Variants in SEC63 observed in about 807,000 individuals in gnomAD.
SEC63 encodes translocation protein SEC63 homolog.
A neutral mutation model predicts 116.2 loss-of-function variants in SEC63; 56 were observed. That is an observed-to-expected ratio of 0.48 (90% confidence interval 0.39 to 0.60). SEC63 has a LOEUF of 0.60. Ranked by LOEUF, SEC63 falls within the 20% of genes least tolerant of loss-of-function variation. SEC63 has a pLI of 0.00. For synonymous variants in SEC63, 273 were observed against 294.6 expected (o/e 0.93, Z 0.75); for missense variants, 668 against 900.0 (o/e 0.74, Z 3.30).
intron 16 of SEC63, among the ~76,000 whole-genome samples, chr6:107,886,417 T>G (rs1786530499): frequency 6.6e-6 from 1 of 152,218 alleles, no homozygotes; most frequent in African/African-American, 2.4e-5. Context: ...TTCTAGATCC[T>G]TGAGGAATCG....
At chr6:107,901,569 T>G in intron 12 of SEC63, 52 bp from the exon 13 acceptor site, 1 of 1,337,486 alleles carries the variant, frequency 7.5e-7, no homozygotes, top group Non-Finnish European at 1.0e-6. Context: ...ACAAAGCTTT[T>G]CATAAAAAGA....
chr6:107,928,249 G>A (rs374863637), intron 2 of SEC63, among the ~76,000 whole-genome samples: 4 of 152,074 alleles, frequency 2.6e-5, no homozygotes, highest in Admixed American at 6.6e-5. Flanking sequence ...TTTGGAGGCC[G>A]AGGCAGGCAG....
chr6:107,927,964 C>A (rs1275523677), intron 2 of SEC63, among the ~76,000 whole-genome samples: 1 of 152,028 alleles, frequency 6.6e-6, no homozygotes, highest in Non-Finnish European at 1.5e-5. Flanking sequence ...TTTCGATTCA[C>A]AGTTGGGTGA....
chr6:107,911,400 A>G lies in SEC63; in HGVS notation c.574-4T>C, dbSNP rs920386904. On this transcript the variant is annotated splice_polypyrimidine_tract_variant and splice_region_variant and intron_variant, in intron 6 of 20. Transcript: ENST00000369002. Reference sequence around the variant, plus strand: ...CCAATCCATATACAAGTAAAACCTAAAATTGAAGAGAAAAAGAATTATGGC... The same window carrying G: ...CCAATCCATATACAAGTAAAACCTAGAATTGAAGAGAAAAAGAATTATGGC... 2.0e-5 allele frequency: 32 copies of G among 1,593,432 alleles called. No homozygotes were observed. Among genetic ancestry groups the G allele is most frequent in the Non-Finnish European group, 2.8e-5 (32 of 1,161,604 alleles).
chr6:107,869,182 C>G lies in SEC63; in HGVS notation c.*2522G>C, dbSNP rs886060943. 2.0e-5 allele frequency: 3 copies of G among 151,782 alleles called. No homozygotes were observed. The East Asian group carries it at 5.8e-4, about 29-fold the overall frequency. 9.4% of individuals were successfully genotyped at this position (151,782 alleles called of 1,614,324 possible). A position where few individuals can be genotyped will look rare whatever the true frequency, so the allele number is the denominator to read the frequency against. Reference sequence around the variant, plus strand: ...ATTGTTCTACACAGAGAACTTCACTCAATGTGCTCCCTAACTTAAAAAAAA... The same window carrying G: ...ATTGTTCTACACAGAGAACTTCACTGAATGTGCTCCCTAACTTAAAAAAAA... On this transcript the variant is annotated 3_prime_UTR_variant, in exon 21 of 21. Coordinates refer to ENST00000369002, the MANE Select transcript of SEC63 (RefSeq NM_007214.5).
Position 107,871,767 on chromosome 6 carries a change from C to G in SEC63, c.2220G>C (p.Glu740Asp). 1 of 1,613,658 alleles carries G rather than the reference C, an allele frequency of 6.2e-7. No homozygotes were observed. ...DTAIEGDEDQ[E>D]DSEGFEDSFE... ...AGCTATCTTCAAAGCCCTCACTGTC[C>G]TCCTGGTCTTCATCCCCCTCTATTG... The change falls in exon 21 of 21, where the codon GAG becomes GAC. Residue 740 changes from glutamate (E) to aspartate (D), a missense_variant. Glu to Asp is a conservative substitution (Grantham distance 45). Around this residue, in one of 5 missense-constraint regions of SEC63, gnomAD observed 85 missense variants for 116.3 expected, o/e 0.73. Coordinates refer to ENST00000369002, the MANE Select transcript of SEC63 (RefSeq NM_007214.5).
chr6:107,940,838 T>TGGGACGCG (rs1215166816), intron 1 of SEC63, among the ~76,000 whole-genome samples: 2 of 150,646 alleles, frequency 1.3e-5, no homozygotes, highest in Non-Finnish European at 3.0e-5. Context: ...AGTACTTACC[T>TGGGACGCG]GGGACGCGGG....
At position 107,870,894 on chromosome 6, in the gene SEC63, T is replaced by G. The variant is rs145029071; in HGVS notation, c.*810A>C. 6.6e-6 allele frequency: 1 copy of G among 152,516 alleles called. No individual in the cohort carries two copies. Among genetic ancestry groups the G allele is most frequent in the African/African-American group, 2.4e-5 (1 of 41,570 alleles). The allele number at this position is 152,516 out of a possible 1,614,324, so 9.4% of individuals were successfully genotyped here. On this transcript the variant is annotated 3_prime_UTR_variant, in exon 21 of 21. Coordinates refer to ENST00000369002, the MANE Select transcript of SEC63 (RefSeq NM_007214.5). ...AGTCAAGTAGACTGAAAACTAAGGA[T>G]GTAGTTCAGCTTTTAGAGTGAACCT...
chr6:107,948,573 C>G lies in SEC63; in HGVS notation c.124+9313G>C, dbSNP rs779654175. On this transcript the variant is annotated intron_variant, in intron 1 of 20. Coordinates refer to ENST00000369002, the MANE Select transcript of SEC63 (RefSeq NM_007214.5). ...AGGCTTGGAGGGTAAATTACGAAGG[C>G]TGTTGGTCAATTTTAGTTCCTTGGT... Among the ~76,000 whole-genome samples the G allele has an allele frequency of 5.1e-4, 78 of 152,274 alleles. 1 individual carries two copies. The highest frequency in any genetic ancestry group is 2.1e-3 in the Admixed American group (32 of 15,292).
intron 19 of SEC63, among the ~76,000 whole-genome samples, chr6:107,874,145 C>T (rs146814097): frequency 3.3e-5 from 5 of 152,242 alleles, no homozygotes; most frequent in African/African-American, 1.2e-4. Context: ...ATATACTGTA[C>T]TTCTGACCTA....
intron 13 of SEC63, among the ~76,000 whole-genome samples, chr6:107,898,392 G>C (rs769199196): frequency 1.3e-5 from 2 of 152,066 alleles, no homozygotes; most frequent in Non-Finnish European, 2.9e-5. Flanking sequence ...CCATAACACA[G>C]TTCTCTCACA....
In SEC63 at chr6:107,897,681, C is replaced by A. The variant is rs750802778; in HGVS notation, c.1408G>T (p.Val470Leu). 4 of 1,610,646 alleles carry A rather than the reference C, an allele frequency of 2.5e-6. No homozygotes were observed. The highest frequency in any genetic ancestry group is 3.4e-6 in the Non-Finnish European group (4 of 1,177,058). ...NNITVGSLVT[V>L]LVKLTRQTMA... is the part of the protein sequence containing the mutation. ...GTTTGCCTTGTCAACTTAACCAACA[C>A]TGTAACTAAGGATCCTACTGTGATG... Residue 470 changes from valine to leucine, a missense_variant, in exon 14 of 21, where the codon GTG becomes TTG. Val to Leu is a conservative substitution (Grantham distance 32, BLOSUM62 1). Around this residue, in one of 5 missense-constraint regions of SEC63, gnomAD observed 430 missense variants for 557.5 expected, o/e 0.77. Coordinates refer to ENST00000369002, the MANE Select transcript of SEC63 (RefSeq NM_007214.5).
At chr6:107,926,267 A>T (rs1226805669) in intron 2 of SEC63, among the ~76,000 whole-genome samples, 1 of 152,248 alleles carries the variant, frequency 6.6e-6, no homozygotes, top group Non-Finnish European at 1.5e-5. Context: ...TCTTAATAAT[A>T]ACTAGCTTTA....
chr6:107,893,830 G>A lies in SEC63; in HGVS notation c.1500+8C>T, dbSNP rs1029420178. ...AGGAAAAATAGGTTCGGAAACCCAA[G>A]TTTTTACCCCATCTTCTGCTGGCTG... On this transcript the variant is annotated splice_region_variant and intron_variant, in intron 15 of 20. Coordinates refer to ENST00000369002, the MANE Select transcript of SEC63 (RefSeq NM_007214.5). 6.2e-7 allele frequency: 1 copy of A among 1,613,918 alleles called. No individual in the cohort carries two copies. The highest frequency in any genetic ancestry group is 1.3e-5 in the African/African-American group (1 of 74,908).
intron 1 of SEC63, chr6:107,957,612 CAAAG>C (rs1179592035): frequency 3.6e-6 from 1 of 277,714 alleles, no homozygotes; most frequent in Non-Finnish European, 6.6e-6. Flanking sequence ...GCAGAGAAGA[CAAAG>C]AGGCAGGAGG....
rs1221401733 is a variant in SEC63 at position 107,924,867 on chromosome 6, T to A, written c.290A>T (p.Asp97Val). The part of the protein sequence containing the change: ...LFLAYKVSKT[D>V]REYQEYNPYE... ...AGGATTGTATTCTTGGTATTCTCGG[T>A]CTGTTTTGGAAACTTTATATGCAAG... The change falls in exon 3 of 21, where the codon GAC becomes GTC. Residue 97 changes from aspartate (D) to valine (V), a missense_variant. Coordinates refer to ENST00000369002, the MANE Select transcript of SEC63 (RefSeq NM_007214.5). 6.2e-7 allele frequency: 1 copy of A among 1,602,682 alleles called. No homozygotes were observed. The highest frequency in any genetic ancestry group is 1.3e-5 in the African/African-American group (1 of 74,656).
At chr6:107,936,134 T>C in intron 1 of SEC63, among the ~76,000 whole-genome samples, 1 of 152,384 alleles carries the variant, frequency 6.6e-6, no homozygotes, top group South Asian at 2.1e-4. Flanking sequence ...AGGTATGATG[T>C]TCTACTGTTC....
At position 107,921,871 on chromosome 6, in the gene SEC63, C is replaced by G; in HGVS notation, c.378G>C (p.Leu126Phe). The change falls in exon 4 of 21, where the codon TTG becomes TTC. Residue 126 changes from leucine to phenylalanine, a missense_variant. By Grantham distance (22) the Leu-to-Phe change is conservative. Around this residue, in one of 5 missense-constraint regions of SEC63, gnomAD observed 142 missense variants for 169.5 expected, o/e 0.84. Transcript: ENST00000369002. ...TVAEIKKQYR[L>F]LSLKYHPDKG... ...TATCTGGATGATATTTAAGTGACAG[C>G]AAACGATATTGTTTTTTAATTTCTG... The G allele has an allele frequency of 6.2e-7, 1 of 1,609,780 alleles. No homozygotes were observed. The highest frequency in any genetic ancestry group is 8.5e-7 in the Non-Finnish European group (1 of 1,178,338).
intron 1 of SEC63, among the ~76,000 whole-genome samples, chr6:107,953,218 C>T (rs2114522358): frequency 6.6e-6 from 1 of 152,346 alleles, no homozygotes; most frequent in African/African-American, 2.4e-5. Context: ...CGAGATCACG[C>T]CACTGCACTT....
Sources: gnomAD v4.1 joint callset for allele counts (sites outside exome capture counted in the v4.1 genomes callset) on GRCh38, gnomAD v4.1.1 for gene constraint, gnomAD v4.1.1 regional missense constraint, MANE v1.5 for transcripts, NCBI Gene and HGNC (gene_info 2026-07-23, HGNC 2026-07-21) for gene names.